The following HEMK2 variants were observed in gnomAD, a reference collection of about 807,000 sequenced individuals.
HEMK2 encodes the protein HemK methyltransferase 2, ETF1 glutamine and histone H4 lysine, also known as methyltransferase HEMK2.
At chr21:28,628,932 A>G in the HEMK2 span, among the ~76,000 whole-genome samples, 1 of 152,204 alleles carries the variant, frequency 6.6e-6, no homozygotes, top group Non-Finnish European at 1.5e-5. Context: ...AAAGCATCAG[A>G]ATGAAATAAA....
the HEMK2 span, among the ~76,000 whole-genome samples, chr21:28,649,033 G>C: frequency 6.7e-6 from 1 of 150,228 alleles, no homozygotes; most frequent in South Asian, 2.1e-4. Context: ...AGAACATGCA[G>C]TGTTTGGTTT....
the HEMK2 span, among the ~76,000 whole-genome samples, chr21:28,686,540 G>A: frequency 6.6e-6 from 1 of 152,098 alleles, no homozygotes; most frequent in Non-Finnish European, 1.5e-5. Context: ...GCCACCATTA[G>A]GTTTTAATAA....
the HEMK2 span, among the ~76,000 whole-genome samples, chr21:28,865,870 T>C: frequency 1.3e-5 from 2 of 152,138 alleles, no homozygotes; most frequent in Non-Finnish European, 2.9e-5. Flanking sequence ...TGTAGCCACA[T>C]ATCCCCACTG....
At chr21:28,735,341 A>G in the HEMK2 span, among the ~76,000 whole-genome samples, 2 of 151,772 alleles carry the variant, frequency 1.3e-5, no homozygotes, top group African/African-American at 4.8e-5. Context: ...GGGGGTGAAA[A>G]TCTGCTTCCA....
chr21:28,622,975 T>C, the HEMK2 span, among the ~76,000 whole-genome samples: 6 of 152,110 alleles, frequency 3.9e-5, no homozygotes, highest in Admixed American at 3.9e-4. Flanking sequence ...AAAGTCAAAA[T>C]TGACAAATGG....
chr21:28,848,209 A>G, the HEMK2 span, among the ~76,000 whole-genome samples: 1 of 152,170 alleles, frequency 6.6e-6, no homozygotes, highest in Non-Finnish European at 1.5e-5. Flanking sequence ...AATTGCTTTC[A>G]GTATTATGGC....
the HEMK2 span, among the ~76,000 whole-genome samples, chr21:28,727,757 TA>T: frequency 1.3e-5 from 2 of 152,254 alleles, no homozygotes; most frequent in Non-Finnish European, 2.9e-5. Flanking sequence ...CACTTGTTTA[TA>T]AGCCTGATTT....
the HEMK2 span, among the ~76,000 whole-genome samples, chr21:28,680,046 A>G: frequency 6.6e-6 from 1 of 152,250 alleles, no homozygotes; most frequent in Non-Finnish European, 1.5e-5. Context: ...GAAATAACTA[A>G]GATCAGAGCA....
chr21:28,606,581 A>G, the HEMK2 span, among the ~76,000 whole-genome samples: 3 of 152,192 alleles, frequency 2.0e-5, no homozygotes, highest in Non-Finnish European at 4.4e-5. Flanking sequence ...GAGGTAAAAG[A>G]CAAAGCTGAT....
chr21:28,831,254 G>A, the HEMK2 span, among the ~76,000 whole-genome samples: 1 of 151,624 alleles, frequency 6.6e-6, no homozygotes, highest in African/African-American at 2.4e-5. Context: ...AGACCAGCCT[G>A]GCCAAGATGG....
chr21:28,885,216 C>T, the HEMK2 span: 22 of 1,576,614 alleles, frequency 1.4e-5, no homozygotes, highest in Non-Finnish European at 1.6e-5. Context: ...TCGCACCCTG[C>T]CAGTTCGGCA....
At chr21:28,751,410 T>C in the HEMK2 span, among the ~76,000 whole-genome samples, 1 of 152,212 alleles carries the variant, frequency 6.6e-6, no homozygotes, top group East Asian at 1.9e-4. Flanking sequence ...ACATATCTAC[T>C]GTTCAAAGTA....
the HEMK2 span, among the ~76,000 whole-genome samples, chr21:28,837,979 G>C: frequency 6.6e-6 from 1 of 152,028 alleles, no homozygotes; most frequent in Non-Finnish European, 1.5e-5. Flanking sequence ...AACCCTCCTA[G>C]CTTAAATTAG....
At chr21:28,883,640 T>G in the HEMK2 span, among the ~76,000 whole-genome samples, 1 of 152,230 alleles carries the variant, frequency 6.6e-6, no homozygotes, top group Non-Finnish European at 1.5e-5. Flanking sequence ...TTAACCATCT[T>G]AGAATGCTGT....
At chr21:28,630,364 A>G in the HEMK2 span, among the ~76,000 whole-genome samples, 285 of 152,322 alleles carry the variant, frequency 1.9e-3, 3 homozygotes, top group African/African-American at 6.6e-3. Flanking sequence ...TGCGGAAGTC[A>G]GTGTGGCATT....
the HEMK2 span, among the ~76,000 whole-genome samples, chr21:28,658,601 C>T: frequency 6.6e-6 from 1 of 151,972 alleles, no homozygotes; most frequent in African/African-American, 2.4e-5. Flanking sequence ...AAACAAATGA[C>T]ATGTAAACAA....
the HEMK2 span, among the ~76,000 whole-genome samples, chr21:28,771,986 C>G: frequency 6.6e-6 from 1 of 151,902 alleles, no homozygotes; most frequent in African/African-American, 2.4e-5. Flanking sequence ...AAAATGAAGA[C>G]AACAAACCTG....
At chr21:28,578,073 T>C in the HEMK2 span, among the ~76,000 whole-genome samples, 2 of 152,234 alleles carry the variant, frequency 1.3e-5, no homozygotes, top group Non-Finnish European at 1.5e-5. Context: ...TAAACTCAGC[T>C]GTCATTGCTA....
the HEMK2 span, among the ~76,000 whole-genome samples, chr21:28,785,490 C>A: frequency 6.6e-6 from 1 of 152,208 alleles, no homozygotes; most frequent in Admixed American, 6.5e-5. Flanking sequence ...CTCCCTATAT[C>A]CACAAGGTTT....
Sources: allele counts gnomAD v4.1 joint callset (sites outside exome capture counted in the v4.1 genomes callset), GRCh38; gene constraint gnomAD v4.1.1; transcripts MANE v1.5; gene names NCBI Gene and HGNC (gene_info 2026-07-23, HGNC 2026-07-21).